The following ASAP2 variants were observed in gnomAD, a reference collection of about 807,000 sequenced individuals.
The protein encoded by ASAP2 is ArfGAP with SH3 domain, ankyrin repeat and PH domain 2, also known as arf-GAP with SH3 domain, ANK repeat and PH domain-containing protein 2.
ASAP2 carries 45 observed loss-of-function variants against 131.4 expected under a neutral mutation model. The ratio of observed to expected loss-of-function variants is 0.34; its 90% CI spans 0.27 to 0.44. The LOEUF (loss-of-function observed/expected upper bound fraction) is 0.44. Among genes scored for constraint, ASAP2 ranks in the 20% least tolerant of loss-of-function variants. ASAP2 has a pLI of 1.00. For missense variants in ASAP2, 1,011 were observed against 1,297.0 expected (o/e 0.78, Z 3.39); for synonymous variants, 510 against 503.0 (o/e 1.01, Z -0.19).
chr2:9,353,121 C>T (rs748538343), intron 12 of ASAP2, among the ~76,000 whole-genome samples: 16 of 152,120 alleles, frequency 1.1e-4, no homozygotes, highest in Non-Finnish European at 4.4e-5. Flanking sequence ...TGATGAACAT[C>T]CTGAGAAGGT....
chr2:9,300,996 G>A (rs1014168036), intron 3 of ASAP2, among the ~76,000 whole-genome samples: 2 of 152,276 alleles, frequency 1.3e-5, no homozygotes, highest in African/African-American at 2.4e-5. Context: ...ACAGCCAGAG[G>A]AAGGCCCAGT....
chr2:9,207,271 G>T lies in ASAP2; in HGVS notation c.126+41G>T. On this transcript the variant is annotated intron_variant, in intron 1 of 27. Transcript: ENST00000281419. This position sits in a 1 kb window ranked among gnomAD's most constrained non-coding sequence, Gnocchi z 4.1. ...CGGCGGCTCCGGCCGCAGGTATCCC[G>T]CGCCCCAGCCCCGCCCGCCGCTCCC... 6.7e-7 allele frequency: 1 copy of T among 1,497,156 alleles called. No homozygotes were observed. Among genetic ancestry groups the T allele is most frequent in the Non-Finnish European group, 8.9e-7 (1 of 1,125,404 alleles). 92.7% of individuals were successfully genotyped at this position (1,497,156 alleles called of 1,614,324 possible).
At chr2:9,398,573 C>T (rs192031052) in intron 24 of ASAP2, among the ~76,000 whole-genome samples, 3 of 152,030 alleles carry the variant, frequency 2.0e-5, no homozygotes, top group Non-Finnish European at 4.4e-5. Context: ...TTTGGGAGGC[C>T]GAGGTGGGCA....
At chr2:9,249,738 G>A (rs574011310) in intron 1 of ASAP2, among the ~76,000 whole-genome samples, 2 of 149,330 alleles carry the variant, frequency 1.3e-5, no homozygotes, top group East Asian at 1.9e-4. Flanking sequence ...AGGCATGCCC[G>A]GGCTGGCGGG....
chr2:9,213,546 G>C (rs773462274), intron 1 of ASAP2, among the ~76,000 whole-genome samples: 2 of 152,156 alleles, frequency 1.3e-5, no homozygotes, highest in Non-Finnish European at 2.9e-5. Flanking sequence ...AAAGGAAAGA[G>C]GGAGACCAGT....
chr2:9,294,662 G>A (rs1322833037), intron 2 of ASAP2, among the ~76,000 whole-genome samples: 2 of 152,184 alleles, frequency 1.3e-5, no homozygotes, highest in African/African-American at 4.8e-5. Context: ...ACCTTTATAC[G>A]AAGTCCCTTC....
chr2:9,242,872 T>TAA (rs1664074547), intron 1 of ASAP2, among the ~76,000 whole-genome samples: 1 of 152,202 alleles, frequency 6.6e-6, no homozygotes, highest in African/African-American at 2.4e-5. Context: ...CCATTGGGTG[T>TAA]AAGACATTGG....
chr2:9,306,844 G>A (rs139517275), intron 3 of ASAP2, among the ~76,000 whole-genome samples: 159 of 152,250 alleles, frequency 1.0e-3, no homozygotes, highest in African/African-American at 3.6e-3. Context: ...AGCTTAGAAG[G>A]CATGTGGGCA....
chr2:9,341,253 C>T (rs769053684), intron 9 of ASAP2, among the ~76,000 whole-genome samples: 3 of 152,198 alleles, frequency 2.0e-5, no homozygotes, highest in African/African-American at 4.8e-5. Flanking sequence ...TACAGGCTAA[C>T]AAAGGCTATT....
At position 9,356,268 on chromosome 2, in the gene ASAP2, A is replaced by G. The variant is rs1672692933; in HGVS notation, c.1250A>G (p.Gln417Arg). Reference protein sequence around the residue: ...DDNTGENNIVQELTKEIISEV... With the variant: ...DDNTGENNIVRELTKEIISEV... ...AATACTGGAGAAAATAACATCGTCC[A>G]AGAACTGACAAAGGAGATCATCTCA... Residue 417 changes from glutamine (Q) to arginine (R), a missense_variant, in exon 14 of 28, where the codon CAA becomes CGA. By Grantham distance (43) the Gln-to-Arg change is conservative. Transcript: ENST00000281419. 1 of 1,614,020 alleles carries G rather than the reference A, an allele frequency of 6.2e-7. No individual in the cohort carries two copies. The highest frequency in any genetic ancestry group is 1.3e-5 in the African/African-American group (1 of 74,934).
chr2:9,342,840 C>A, intron 9 of ASAP2, among the ~76,000 whole-genome samples: 1 of 152,312 alleles, frequency 6.6e-6, no homozygotes, highest in East Asian at 1.9e-4. Flanking sequence ...ACCACGTGAC[C>A]GTGACCTCCC....
At chr2:9,235,857 G>T (rs1057040195) in intron 1 of ASAP2, among the ~76,000 whole-genome samples, 1 of 152,180 alleles carries the variant, frequency 6.6e-6, no homozygotes, top group African/African-American at 2.4e-5. Context: ...CCCATGAATG[G>T]CAAGGGCAGT....
chr2:9,291,640 G>A (rs575156490), intron 2 of ASAP2, among the ~76,000 whole-genome samples: 4 of 152,268 alleles, frequency 2.6e-5, no homozygotes, highest in South Asian at 4.1e-4. Flanking sequence ...CTCCTTAAAC[G>A]CTCCCTTCGC....
At chr2:9,291,677 T>C (rs1445982903) in intron 2 of ASAP2, among the ~76,000 whole-genome samples, 1 of 152,124 alleles carries the variant, frequency 6.6e-6, no homozygotes, top group Non-Finnish European at 1.5e-5. Context: ...AAGGTTGGAA[T>C]GTGGGGTGTC....
At chr2:9,239,039 C>T (rs765043252) in intron 1 of ASAP2, among the ~76,000 whole-genome samples, 2 of 152,142 alleles carry the variant, frequency 1.3e-5, no homozygotes, top group African/African-American at 4.8e-5. Context: ...CTCTCTGTCC[C>T]GTGGCGTTAG....
intron 1 of ASAP2, among the ~76,000 whole-genome samples, chr2:9,270,236 G>GT (rs1373086921): frequency 1.3e-5 from 2 of 152,088 alleles, no homozygotes; most frequent in African/African-American, 4.8e-5. Context: ...CTTTGTTTGT[G>GT]TTTTTTACAC....
rs370570366 is a variant in ASAP2, at chr2:9,334,791, C to T, written c.740C>T (p.Thr247Met). 46 of 1,613,954 alleles carry T rather than the reference C, an allele frequency of 2.9e-5. No individual in the cohort carries two copies. Among genetic ancestry groups the T allele is most frequent in the Non-Finnish European group, 3.2e-5 (38 of 1,179,954 alleles). The change falls in exon 8 of 28, where the codon ACG becomes ATG. Residue 247 changes from threonine (T) to methionine (M), a missense_variant. Physicochemically the swap from Thr to Met is moderately conservative, Grantham distance 81. Around this residue, in one of 2 missense-constraint regions of ASAP2, gnomAD observed 359 missense variants for 598.1 expected, o/e 0.60. Transcript: ENST00000281419. Reference sequence around the variant, plus strand: ...GAAAGCCTCAAACCTTCCATTGAAACGCTGTCTACGGATCTTCACACGGTG... The same window carrying T: ...GAAAGCCTCAAACCTTCCATTGAAATGCTGTCTACGGATCTTCACACGGTG... ...AVESLKPSIE[T>M]LSTDLHTIKQ...
chr2:9,297,568 G>T (rs770387424), intron 3 of ASAP2, 123 bp downstream of exon 3: 143 of 1,215,616 alleles, frequency 1.2e-4, no homozygotes, highest in Non-Finnish European at 1.5e-4. Context: ...GTACCCAAAA[G>T]AATTATGTTT....
In ASAP2 at chr2:9,356,113, G is replaced by T; in HGVS notation, c.1160+18G>T. ...TGTCAAATGTAAGTTACATGGTGGT[G>T]GGACTTTGGGCTGGACTCAGCCGTT... On this transcript the variant is annotated intron_variant, in intron 13 of 27. Transcript: ENST00000281419. 1.2e-6 allele frequency: 2 copies of T among 1,614,200 alleles called. No homozygotes were observed. Among genetic ancestry groups the T allele is most frequent in the Non-Finnish European group, 1.7e-6 (2 of 1,180,042 alleles).
Sources: allele counts gnomAD v4.1 joint callset (sites outside exome capture counted in the v4.1 genomes callset), GRCh38; gene constraint gnomAD v4.1.1; regional missense constraint gnomAD v4.1.1; non-coding constraint Gnocchi (gnomAD v3.1); transcripts MANE v1.5; gene names NCBI Gene and HGNC (gene_info 2026-07-23, HGNC 2026-07-21).